BTBD9: variants seen among roughly 807,000 people sequenced by gnomAD.
BTBD9 encodes the protein BTB/POZ domain-containing protein 9.
In BTBD9, 49 loss-of-function variants were observed where a neutral mutation model predicts 64.3. The ratio of observed to expected loss-of-function variants is 0.76; its 90% CI spans 0.61 to 0.97. The LOEUF is 0.97. Among genes scored for constraint, BTBD9 ranks in the 50% least tolerant of loss-of-function variants. The pLI, the probability that BTBD9 is intolerant of heterozygous loss-of-function variation, is 0.00. For synonymous variants in BTBD9, 260 were observed against 274.7 expected (o/e 0.95, Z 0.53); for missense variants, 598 against 762.1 (o/e 0.78, Z 2.53).
chr6:38,223,490 T>C (rs746993667), intron 9 of BTBD9, among the ~76,000 whole-genome samples: 17 of 152,048 alleles, frequency 1.1e-4, no homozygotes, highest in Non-Finnish European at 2.5e-4. Context: ...CGAGCCACCA[T>C]GTCTGGGTAA....
intron 7 of BTBD9, among the ~76,000 whole-genome samples, chr6:38,294,901 C>T (rs1181814231): frequency 6.7e-6 from 1 of 150,066 alleles, no homozygotes; most frequent in Non-Finnish European, 1.5e-5. Context: ...TAATGTCAGA[C>T]AGGTAAGTGT....
intron 6 of BTBD9, among the ~76,000 whole-genome samples, chr6:38,431,009 G>C (rs978353129): frequency 6.6e-6 from 1 of 151,880 alleles, no homozygotes; most frequent in Non-Finnish European, 1.5e-5. Flanking sequence ...TCTGTCCTTT[G>C]ACAGCTCCTT....
chr6:38,263,447 A>G (rs2127539256), intron 8 of BTBD9, among the ~76,000 whole-genome samples: 1 of 152,362 alleles, frequency 6.6e-6, no homozygotes, highest in African/African-American at 2.4e-5. Context: ...CACAACCTCA[A>G]GGTGGACATG....
At chr6:38,637,191 A>G (rs1025694493) in intron 1 of BTBD9, among the ~76,000 whole-genome samples, 1 of 152,124 alleles carries the variant, frequency 6.6e-6, no homozygotes, top group Admixed American at 6.5e-5. Context: ...ACAGCACATA[A>G]TGGTTAGTGG....
intron 6 of BTBD9, among the ~76,000 whole-genome samples, chr6:38,432,624 G>A (rs1260025670): frequency 1.3e-5 from 2 of 151,778 alleles, no homozygotes; most frequent in Non-Finnish European, 2.9e-5. Context: ...ACCTAAGATT[G>A]GTCTTCTGAG....
At chr6:38,550,721 T>C (rs1172666440) in intron 6 of BTBD9, among the ~76,000 whole-genome samples, 1 of 152,154 alleles carries the variant, frequency 6.6e-6, no homozygotes, top group Non-Finnish European at 1.5e-5. Flanking sequence ...GCTTCTACCC[T>C]CATCCAAGCC....
intron 8 of BTBD9, among the ~76,000 whole-genome samples, chr6:38,266,614 GAAAGAAAGA>G (rs1764992350): frequency 1.0e-4 from 1 of 9,854 alleles, no homozygotes; most frequent in Non-Finnish European, 2.1e-4. Flanking sequence ...AGGAAAGAAA[GAAAGAAAGA>G]AAGAAAGAAA....
Position 38,418,003 on chromosome 6 carries a change from G to T in BTBD9, c.1155-72910C>A, listed in dbSNP as rs543493513. ...ATTCATTTATCAGCTTTCTACCATGGGAAAGAAAGCAGCTGAACAATGTAC... is the reference window on the plus strand; with the variant it reads ...ATTCATTTATCAGCTTTCTACCATGTGAAAGAAAGCAGCTGAACAATGTAC... On this transcript the variant is annotated intron_variant, in intron 6 of 10. Coordinates refer to ENST00000481247, the MANE Select transcript of BTBD9 (RefSeq NM_001099272.2). Among the ~76,000 whole-genome samples the T allele has an allele frequency of 3.3e-5, 5 of 152,044 alleles. No individual in the cohort carries two copies. In the South Asian group the frequency reaches 8.3e-4, roughly 25 times the overall value.
At chr6:38,249,683 T>C (rs1233902657) in intron 9 of BTBD9, among the ~76,000 whole-genome samples, 1 of 149,362 alleles carries the variant, frequency 6.7e-6, no homozygotes, top group Admixed American at 6.7e-5. Flanking sequence ...GGAGTCTTTG[T>C]AGCAGTCAAC....
intron 7 of BTBD9, among the ~76,000 whole-genome samples, chr6:38,329,057 C>T (rs996893169): frequency 1.4e-5 from 2 of 147,870 alleles, no homozygotes; most frequent in African/African-American, 2.5e-5. Context: ...AGATGGCATC[C>T]TACTTCTATT....
chr6:38,201,853 G>A (rs1762470952), intron 9 of BTBD9, among the ~76,000 whole-genome samples: 1 of 151,894 alleles, frequency 6.6e-6, no homozygotes, highest in East Asian at 1.9e-4. Context: ...AGCTGCCATG[G>A]AAAAAAATTC....
At chr6:38,397,200 T>C (rs1766720173) in intron 6 of BTBD9, among the ~76,000 whole-genome samples, 1 of 152,166 alleles carries the variant, frequency 6.6e-6, no homozygotes, top group African/African-American at 2.4e-5. Flanking sequence ...CTGCACCGTC[T>C]CACTTGCTTC....
At chr6:38,266,609 A>G (rs866143111) in intron 8 of BTBD9, among the ~76,000 whole-genome samples, 1 of 4,956 alleles carries the variant, frequency 2.0e-4, no homozygotes, top group Non-Finnish European at 4.6e-4. Context: ...AAGAAAGGAA[A>G]GAAAGAAAGA....
intron 6 of BTBD9, among the ~76,000 whole-genome samples, chr6:38,538,062 T>C (rs546935256): frequency 4.6e-5 from 7 of 152,340 alleles, no homozygotes; most frequent in African/African-American, 1.7e-4. Flanking sequence ...TGGGTCTTTT[T>C]GATGCAATTG....
At chr6:38,370,209 T>C (rs1765360744) in intron 6 of BTBD9, among the ~76,000 whole-genome samples, 1 of 152,236 alleles carries the variant, frequency 6.6e-6, no homozygotes, top group Non-Finnish European at 1.5e-5. Flanking sequence ...GATCACCTTC[T>C]TTTGTTTCAT....
At chr6:38,576,460 T>C (rs1389559944) in intron 6 of BTBD9, among the ~76,000 whole-genome samples, 2 of 152,188 alleles carry the variant, frequency 1.3e-5, no homozygotes, top group East Asian at 3.8e-4. Context: ...AAAAAAAATG[T>C]AGGCAACGTT....
chr6:38,222,599 A>T (rs1159979006), intron 9 of BTBD9, among the ~76,000 whole-genome samples: 5 of 152,126 alleles, frequency 3.3e-5, no homozygotes, highest in Non-Finnish European at 7.4e-5. Context: ...ATTATATATC[A>T]TTGTGAGGGG....
At chr6:38,198,658 G>A (rs1056667327) in intron 9 of BTBD9, among the ~76,000 whole-genome samples, 4 of 152,174 alleles carry the variant, frequency 2.6e-5, no homozygotes, top group Non-Finnish European at 5.9e-5. Context: ...CAGACCTGTT[G>A]AACACTGGGG....
At chr6:38,329,394 C>G (rs1343849705) in intron 7 of BTBD9, among the ~76,000 whole-genome samples, 1 of 149,638 alleles carries the variant, frequency 6.7e-6, no homozygotes, top group Non-Finnish European at 1.5e-5. Context: ...ATGATCTCGG[C>G]TCACCGCAAC....
Sources: gnomAD v4.1 joint callset for allele counts (sites outside exome capture counted in the v4.1 genomes callset) on GRCh38, gnomAD v4.1.1 for gene constraint, MANE v1.5 for transcripts, NCBI Gene and HGNC (gene_info 2026-07-23, HGNC 2026-07-21) for gene names.